ZNF398: variants seen among roughly 807,000 people sequenced by gnomAD.
ZNF398 encodes zinc finger DNA binding protein ZER6.
Under a neutral mutation model 41.9 loss-of-function variants are expected in ZNF398, and 18 were observed. The ratio of observed to expected loss-of-function variants is 0.43; its 90% CI spans 0.30 to 0.64. The LOEUF is 0.64. ZNF398 is among the 30% of genes least tolerant of loss of function. The probability of loss-of-function intolerance (pLI) is 0.14; values close to 1 mark genes in which losing one functional copy is unlikely to be tolerated. For synonymous variants in ZNF398, 260 were observed against 308.8 expected (o/e 0.84, Z 1.66); for missense variants, 669 against 822.8 (o/e 0.81, Z 2.29).
intron 2 of ZNF398, among the ~76,000 whole-genome samples, chr7:149,163,786 G>T (rs1795164917): frequency 6.6e-6 from 1 of 152,118 alleles, no homozygotes; most frequent in South Asian, 2.1e-4. Flanking sequence ...AATCATTAAA[G>T]ATTACATAAA....
chr7:149,134,704 G>T (rs1253205140), intron 2 of ZNF398, among the ~76,000 whole-genome samples: 1 of 152,150 alleles, frequency 6.6e-6, no homozygotes, highest in Non-Finnish European at 1.5e-5. Flanking sequence ...TCACTCTGTT[G>T]CCCAGGCTGT....
intron 2 of ZNF398, among the ~76,000 whole-genome samples, chr7:149,139,059 C>T (rs1826770539): frequency 2.6e-5 from 4 of 151,960 alleles, no homozygotes; most frequent in South Asian, 2.1e-4. Context: ...TACAGGAGCA[C>T]GCCACCACGC....
At chr7:149,149,426 G>A (rs935043805) in intron 1 of ZNF398, among the ~76,000 whole-genome samples, 3 of 151,928 alleles carry the variant, frequency 2.0e-5, no homozygotes, top group Non-Finnish European at 1.5e-5. Context: ...AGAGAGGGGG[G>A]TTTCACCGTG....
At chr7:149,166,096 A>G (rs1585532161) in intron 2 of ZNF398, 62 bp from the exon 3 acceptor site, 1 of 1,526,292 alleles carries the variant, frequency 6.6e-7, no homozygotes, top group Non-Finnish European at 8.8e-7. Context: ...CTAATTGGAA[A>G]GAGATTTATT....
intron 4 of ZNF398, among the ~76,000 whole-genome samples, chr7:149,169,619 T>G (rs1274483265): frequency 6.6e-6 from 1 of 152,102 alleles, no homozygotes; most frequent in Non-Finnish European, 1.5e-5. Context: ...GCCTGGCTAA[T>G]TTTTGTATTT....
chr7:149,155,876 G>A (rs1430791029), intron 2 of ZNF398, among the ~76,000 whole-genome samples: 4 of 151,258 alleles, frequency 2.6e-5, no homozygotes, highest in Non-Finnish European at 5.9e-5. Flanking sequence ...ACAGGCGTCC[G>A]TCACCATGCC....
At chr7:149,161,660 T>A (rs1795106519) in intron 2 of ZNF398, among the ~76,000 whole-genome samples, 1 of 152,148 alleles carries the variant, frequency 6.6e-6, no homozygotes, top group African/African-American at 2.4e-5. Context: ...GCAGGATGAG[T>A]ACATAAAGTC....
At position 149,133,998 on chromosome 7, in the gene ZNF398, G is replaced by A. The variant is rs1470133723; in HGVS notation, c.-490+5054G>A. Among the ~76,000 whole-genome samples, 7 of 150,446 alleles carry A rather than the reference G, an allele frequency of 4.7e-5. 1 individual carries two copies. The highest frequency in any genetic ancestry group is 4.6e-4 in the Admixed American group (7 of 15,068). ...ACTCCTGACCTCAGGTGATCTGCCC[G>A]CCTTGGCTTCCCAAAGTGCTGGGAT... is the stretch of plus-strand genomic sequence containing the variant. On this transcript the variant is annotated intron_variant, in intron 2 of 6. Coordinates refer to the ZNF398 transcript ENST00000426851.
At chr7:149,145,342 ATATAGT>A, upstream of ZNF398, among the ~76,000 whole-genome samples, 1 of 152,304 alleles carries the variant, frequency 6.6e-6, no homozygotes, top group East Asian at 1.9e-4. Context: ...CTGGACAGAA[ATATAGT>A]TATAATTAAG....
chr7:149,130,665 A>C (rs556022174), intron 2 of ZNF398, among the ~76,000 whole-genome samples: 24 of 152,282 alleles, frequency 1.6e-4, no homozygotes, highest in African/African-American at 5.8e-4. Context: ...ACCGTTAGAC[A>C]TTCTAATCAA....
At chr7:149,157,428 G>A (rs1203015704) in intron 2 of ZNF398, among the ~76,000 whole-genome samples, 1 of 151,844 alleles carries the variant, frequency 6.6e-6, no homozygotes, top group Non-Finnish European at 1.5e-5. Context: ...CCAGCTACTC[G>A]GGAGGCTGAG....
chr7:149,166,723 G>GT (rs1209487182), intron 3 of ZNF398, 94 bp from the exon 4 acceptor site: 5 of 798,404 alleles, frequency 6.3e-6, no homozygotes, highest in Non-Finnish European at 1.0e-5. Flanking sequence ...CCCTGGCACT[G>GT]TGACCACAAA....
intron 2 of ZNF398, among the ~76,000 whole-genome samples, chr7:149,155,713 T>TC (rs1184067814): frequency 3.5e-5 from 1 of 28,316 alleles, no homozygotes; most frequent in Non-Finnish European, 1.2e-4. Context: ...ATATATTTTT[T>TC]TTTTTTTTTT....
intron 4 of ZNF398, among the ~76,000 whole-genome samples, chr7:149,170,874 C>G (rs533097483): frequency 1.7e-3 from 257 of 152,044 alleles, no homozygotes; most frequent in South Asian, 5.6e-3. Context: ...TTTATAAACA[C>G]TGTATACTTA....
At chr7:149,171,010 AT>A (rs71192761) in intron 4 of ZNF398, among the ~76,000 whole-genome samples, 83 of 137,242 alleles carry the variant, frequency 6.0e-4, no homozygotes, top group African/African-American at 4.6e-4. Context: ...CGCCCGGCTA[AT>A]TTTTTTTTTT....
intron 2 of ZNF398, among the ~76,000 whole-genome samples, chr7:149,164,320 G>A (rs1436712664): frequency 6.6e-6 from 1 of 150,504 alleles, no homozygotes; most frequent in Non-Finnish European, 1.5e-5. Flanking sequence ...GGCAGGAGAA[G>A]GGCGTGAACC....
chr7:149,140,394 T>C (rs899738961), intron 2 of ZNF398, among the ~76,000 whole-genome samples: 4 of 151,384 alleles, frequency 2.6e-5, no homozygotes, highest in Admixed American at 2.6e-4. Context: ...ATAAAATACT[T>C]TTTTTTTTGA....
Position 149,147,835 on chromosome 7 carries a change from G to T in ZNF398, c.24+69G>T. On this transcript the variant is annotated intron_variant, in intron 1 of 5. Coordinates refer to ENST00000475153, the MANE Select transcript of ZNF398 (RefSeq NM_170686.3). The surrounding 1 kb of genome is among the most constrained non-coding windows in gnomAD (Gnocchi z 5.6). ...GACCCCGAGGGAGGAAGGCGGGCGG[G>T]CAGGGAGCTGCCAGGCATAGGCGCC... is the stretch of plus-strand genomic sequence containing the variant. 7.6e-7 allele frequency: 1 copy of T among 1,313,216 alleles called. No homozygotes were observed. The highest frequency in any genetic ancestry group is 1.5e-5 in the African/African-American group (1 of 64,986). The allele number at this position is 1,313,216 out of a possible 1,614,324, so 81.3% of individuals were successfully genotyped here. A position where few individuals can be genotyped will look rare whatever the true frequency, so the allele number is the denominator to read the frequency against.
At chr7:149,132,808 C>T (rs1826625150) in intron 2 of ZNF398, among the ~76,000 whole-genome samples, 1 of 152,170 alleles carries the variant, frequency 6.6e-6, no homozygotes, top group Non-Finnish European at 1.5e-5. Flanking sequence ...ATTTTAAACA[C>T]ACCTAGTCTC....
Sources: gnomAD v4.1 joint callset for allele counts (sites outside exome capture counted in the v4.1 genomes callset) on GRCh38, gnomAD v4.1.1 for gene constraint, Gnocchi (gnomAD v3.1) non-coding constraint, MANE v1.5 for transcripts, NCBI Gene and HGNC (gene_info 2026-07-23, HGNC 2026-07-21) for gene names.